The following OR4K14 variants were observed in gnomAD, a reference collection of about 807,000 sequenced individuals.
OR4K14 encodes the protein olfactory receptor family 4 subfamily K member 14.
For missense variants in OR4K14, 406 were observed against 373.6 expected (o/e 1.09, Z -0.72); for synonymous variants, 153 against 141.5 (o/e 1.08, Z -0.58).
Position 20,014,999 on chromosome 14 carries a change from C to A in OR4K14, c.195G>T (p.Gly65=). The change falls in exon 2 of 2, where the codon GGG becomes GGT. Residue 65 remains glycine (G), a synonymous_variant. Coordinates refer to ENST00000641793, the MANE Select transcript of OR4K14 (RefSeq NM_001004712.2). ...GCCACATGTCCAGGAAAGCTAGGTT[C>A]CCCAGCAGGAAGTACATAGGGGAGG... The part of the protein sequence containing the change: ...LHSSPMYFLL[G]NLAFLDMWLA... 1 of 1,613,954 alleles carries A rather than the reference C, an allele frequency of 6.2e-7. No homozygotes were observed. The highest frequency in any genetic ancestry group is 8.5e-7 in the Non-Finnish European group (1 of 1,179,920).
chr14:20,014,162 T>A lies in OR4K14; in HGVS notation c.*99A>T. ...GTAATATAACACATTACAAATTATA[T>A]CAATGTAGTGTCAGAATGAAATCTT... is the stretch of plus-strand genomic sequence containing the variant. On this transcript the variant is annotated 3_prime_UTR_variant, in exon 2 of 2. Coordinates refer to ENST00000641793, the MANE Select transcript of OR4K14 (RefSeq NM_001004712.2). 2.7e-6 allele frequency: 2 copies of A among 735,170 alleles called. No homozygotes were observed. The highest frequency in any genetic ancestry group is 4.4e-6 in the Non-Finnish European group (2 of 451,958). 45.5% of individuals were successfully genotyped at this position (735,170 alleles called of 1,614,324 possible). A position where few individuals can be genotyped will look rare whatever the true frequency, so the allele number is the denominator to read the frequency against.
chr14:20,014,575 G>C lies in OR4K14; in HGVS notation c.619C>G (p.Leu207Val). ...GIIMISDSGLLSLSCFLLLLI... is the reference protein window; with the variant it reads ...GIIMISDSGLVSLSCFLLLLI... ...AGGAGCAGAAAACAGCTCAAGGAAAGCAACCCACTGTCTGAGATCATAATT... is the reference window on the plus strand; with the variant it reads ...AGGAGCAGAAAACAGCTCAAGGAAACCAACCCACTGTCTGAGATCATAATT... The change falls in exon 2 of 2, where the codon CTT (leucine) becomes GTT (valine). Residue 207 changes from leucine (L) to valine (V), a missense_variant. By Grantham distance (32) the Leu-to-Val change is conservative. Coordinates refer to ENST00000641793, the MANE Select transcript of OR4K14 (RefSeq NM_001004712.2). 1 of 1,614,088 alleles carries C rather than the reference G, an allele frequency of 6.2e-7. No individual in the cohort carries two copies. The highest frequency in any genetic ancestry group is 1.3e-5 in the African/African-American group (1 of 75,034).
intron 1 of OR4K14, among the ~76,000 whole-genome samples, chr14:20,016,960 A>G (rs368470769): frequency 1.3e-5 from 2 of 152,218 alleles, no homozygotes; most frequent in South Asian, 4.1e-4. Flanking sequence ...TGATTAAATG[A>G]GCGAAAAAGT....
intron 1 of OR4K14, among the ~76,000 whole-genome samples, chr14:20,016,202 A>G (rs1185842279): frequency 1.0e-5 from 1 of 95,238 alleles, no homozygotes; most frequent in Non-Finnish European, 2.5e-5. Flanking sequence ...CAAACACAAA[A>G]CTAAACCTAG....
At chr14:20,017,062 C>A (rs1877114845) in intron 1 of OR4K14, among the ~76,000 whole-genome samples, 1 of 151,996 alleles carries the variant, frequency 6.6e-6, no homozygotes, top group Admixed American at 6.6e-5. Context: ...GAGATTTCTT[C>A]CATATTTAAT....
Position 20,019,258 on chromosome 14 carries a change from ATCT to A in OR4K14, c.-148_-146del, listed in dbSNP as rs1342270059. 6.6e-6 allele frequency: 1 copy of A among 152,112 alleles called. No individual in the cohort carries two copies. Among genetic ancestry groups the A allele is most frequent in the African/African-American group, 2.4e-5 (1 of 41,464 alleles). 9.4% of individuals were successfully genotyped at this position (152,112 alleles called of 1,614,324 possible). A position where few individuals can be genotyped will look rare whatever the true frequency, so the allele number is the denominator to read the frequency against. ...ATTTTATCCCAGAGATGATTTAATC[ATCT>A]TCTTCTGCATCTTAAAAACAATTCA... On this transcript the variant is annotated 5_prime_UTR_variant, in exon 1 of 2. It adds an upstream start codon to the 5' untranslated region. Transcript: ENST00000641793.
chr14:20,014,372 CACAG>C lies in OR4K14; in HGVS notation c.818_821del (p.Ser273CysfsTer10). 6.2e-7 allele frequency: 1 copy of C among 1,613,832 alleles called. No individual in the cohort carries two copies. Among genetic ancestry groups the C allele is most frequent in the Non-Finnish European group, 8.5e-7 (1 of 1,179,858 alleles). On this transcript the variant is annotated frameshift_variant, in exon 2 of 2. Coordinates refer to ENST00000641793, the MANE Select transcript of OR4K14 (RefSeq NM_001004712.2). LOFTEE classifies it low-confidence loss of function (END_TRUNC). ...GGAGTGGAGTAAAAATGGTATAAAA[CACAG>C]ACAGCAGCTTGTCCACAGAGAACCT... is the stretch of plus-strand genomic sequence containing the variant.
intron 1 of OR4K14, among the ~76,000 whole-genome samples, chr14:20,016,944 T>A (rs1018641737): frequency 1.5e-4 from 23 of 152,220 alleles, no homozygotes; most frequent in African/African-American, 5.3e-4. Context: ...TGTGTTGTAA[T>A]GCTTTTGATT....
chr14:20,015,018 G>A lies in OR4K14; in HGVS notation c.176C>T (p.Pro59Leu). 6.2e-7 allele frequency: 1 copy of A among 1,614,110 alleles called. No individual in the cohort carries two copies. ...TAGGTTCCCCAGCAGGAAGTACATA[G>A]GGGAGGAGTGCAGGCAGGGATCAGA... ...VISDPCLHSS[P>L]MYFLLGNLAF... is the part of the protein sequence containing the mutation. Residue 59 changes from proline to leucine, a missense_variant, in exon 2 of 2, where the codon CCT becomes CTT. Coordinates refer to ENST00000641793, the MANE Select transcript of OR4K14 (RefSeq NM_001004712.2).
Position 20,014,767 on chromosome 14 carries a change from T to G in OR4K14, c.427A>C (p.Ile143Leu). 1 of 1,614,124 alleles carries G rather than the reference T, an allele frequency of 6.2e-7. No homozygotes were observed. Among genetic ancestry groups the G allele is most frequent in the Non-Finnish European group, 8.5e-7 (1 of 1,180,010 alleles). The change falls in exon 2 of 2, where the codon ATC becomes CTC. Residue 143 changes from isoleucine to leucine, a missense_variant. Coordinates refer to ENST00000641793, the MANE Select transcript of OR4K14 (RefSeq NM_001004712.2). Reference sequence around the variant, plus strand: ...ACCCATGAAGCCAGCACCAGCCTGATGCAAGTCTGCCAACTCATCAAAGTC... The same window carrying G: ...ACCCATGAAGCCAGCACCAGCCTGAGGCAAGTCTGCCAACTCATCAAAGTC... ...YMTLMSWQTC[I>L]RLVLASWVVG...
chr14:20,015,468 T>G (rs1953998), intron 1 of OR4K14, among the ~76,000 whole-genome samples: 39 of 152,046 alleles, frequency 2.6e-4, no homozygotes, highest in African/African-American at 8.9e-4. Flanking sequence ...ATTCAAGTGA[T>G]CTATTGTACA....
At chr14:20,019,081 T>G (rs1248940922) in intron 1 of OR4K14, 62 bp downstream of exon 1, 2 of 134,020 alleles carry the variant, frequency 1.5e-5, no homozygotes, top group African/African-American at 5.0e-5. Context: ...ATATAACAAT[T>G]AGTCTGTATT....
At chr14:20,015,771 G>T (rs981523292) in intron 1 of OR4K14, among the ~76,000 whole-genome samples, 1 of 152,054 alleles carries the variant, frequency 6.6e-6, no homozygotes, top group Non-Finnish European at 1.5e-5. Flanking sequence ...TAACTTGCAA[G>T]TGATACTCTA....
chr14:20,019,179 A>G lies in OR4K14; in HGVS notation c.-66T>C, dbSNP rs1425809396. The G allele has an allele frequency of 2.0e-5, 3 of 152,072 alleles. No individual in the cohort carries two copies. Among genetic ancestry groups the G allele is most frequent in the Admixed American group, 1.3e-4 (2 of 15,252 alleles). 9.4% of individuals were successfully genotyped at this position (152,072 alleles called of 1,614,324 possible). On this transcript the variant is annotated 5_prime_UTR_variant, in exon 1 of 2. Transcript: ENST00000641793. ...ATGCTCAGTGCTGATACTGCAGCTCACCCAATTTATATTTTACATCTATTA... is the reference window on the plus strand; with the variant it reads ...ATGCTCAGTGCTGATACTGCAGCTCGCCCAATTTATATTTTACATCTATTA...
At position 20,014,274 on chromosome 14, in the gene OR4K14, A is replaced by G. The variant is rs1877036580; in HGVS notation, c.920T>C (p.Val307Ala). The part of the protein sequence containing the change: ...AAMKKLQNRR[V>A]TFQ ...GAAGGCTGGATTTCATTGAAAAGTC[A>G]CCCGTCGGTTTTGCAGTTTCTTCAT... Residue 307 changes from valine (V) to alanine (A), a missense_variant, in exon 2 of 2, where the codon GTG (valine) becomes GCG (alanine). By Grantham distance (64) the Val-to-Ala change is moderately conservative. Transcript: ENST00000641793. The G allele has an allele frequency of 1.3e-6, 2 of 1,595,056 alleles. No homozygotes were observed.
chr14:20,014,822 A>G lies in OR4K14; in HGVS notation c.372T>C (p.Tyr124=), dbSNP rs140358609. The G allele has an allele frequency of 6.8e-6, 11 of 1,613,996 alleles. No individual in the cohort carries two copies. Among genetic ancestry groups the G allele is most frequent in the Non-Finnish European group, 9.3e-6 (11 of 1,179,980 alleles). The change falls in exon 2 of 2, where the codon TAT becomes TAC. Residue 124 remains tyrosine (Y), a synonymous_variant. Transcript: ENST00000641793. ...AATGCAAGGGTTTGCATATGGCCAC[A>G]TATCTGTCATAGGCCATGGAAACCA... The part of the protein sequence containing the change: ...VLLVSMAYDR[Y]VAICKPLHYM...
At chr14:20,015,485 C>G (rs1953997) in intron 1 of OR4K14, among the ~76,000 whole-genome samples, 115,599 of 152,032 alleles carry the variant, frequency 0.76, 45,681 homozygotes, top group East Asian at 0.98. Flanking sequence ...TACATCATTG[C>G]GATTATAGCT....
chr14:20,016,827 C>G (rs1487940161), intron 1 of OR4K14, among the ~76,000 whole-genome samples: 1 of 151,922 alleles, frequency 6.6e-6, no homozygotes, highest in Non-Finnish European at 1.5e-5. Flanking sequence ...CTAACAGAGA[C>G]ATAGAGTATT....
chr14:20,015,094 C>T lies in OR4K14; in HGVS notation c.100G>A (p.Val34Ile), dbSNP rs767096967. 4.3e-6 allele frequency: 7 copies of T among 1,613,512 alleles called. No homozygotes were observed. The highest frequency in any genetic ancestry group is 5.9e-6 in the Non-Finnish European group (7 of 1,179,710). ...QNFFFIFFFG[V>I]YVAIMLGNLL... ...TTACCCAGCATAATGGCCACATAGA[C>T]CCCAAAGAAAAATATAAAGAAAAAA... is the stretch of plus-strand genomic sequence containing the variant. The change falls in exon 2 of 2, where the codon GTC becomes ATC. Residue 34 changes from valine (V) to isoleucine (I), a missense_variant. Coordinates refer to ENST00000641793, the MANE Select transcript of OR4K14 (RefSeq NM_001004712.2).
Sources: allele counts gnomAD v4.1 joint callset (sites outside exome capture counted in the v4.1 genomes callset), GRCh38; gene constraint gnomAD v4.1.1; transcripts MANE v1.5; gene names NCBI Gene and HGNC (gene_info 2026-07-23, HGNC 2026-07-21).